The following GUCY2C variants were observed in gnomAD, a reference collection of about 807,000 sequenced individuals.
GUCY2C encodes the protein guanylyl cyclase C.
GUCY2C carries 118 observed loss-of-function variants against 131.1 expected under a neutral mutation model. That is an observed-to-expected ratio of 0.90 (90% confidence interval 0.78 to 1.05). GUCY2C has a LOEUF of 1.05. GUCY2C is among the 50% of genes least tolerant of loss of function. GUCY2C has a pLI of 0.00. For synonymous variants in GUCY2C, 452 were observed against 457.8 expected, an observed-to-expected ratio of 0.99 and a Z score of 0.16; for missense variants, 1,161 against 1,304.4, an observed-to-expected ratio of 0.89 and a Z score of 1.69.
intron 21 of GUCY2C, among the ~76,000 whole-genome samples, chr12:14,623,398 T>C (rs7310353): frequency 0.051 from 7,823 of 152,266 alleles, 657 homozygotes; most frequent in African/African-American, 0.18. Flanking sequence ...ACCTTTTTAA[T>C]TGGTGCAATG....
chr12:14,649,833 G>C (rs10846033), intron 15 of GUCY2C, among the ~76,000 whole-genome samples: 8,411 of 152,142 alleles, frequency 0.055, 749 homozygotes, highest in African/African-American at 0.19. Context: ...CCAATTAATA[G>C]AGCCTAGTCA....
chr12:14,672,877 T>G lies in GUCY2C; in HGVS notation c.1166A>C (p.Lys389Thr), dbSNP rs767807024. The G allele has an allele frequency of 1.9e-6, 3 of 1,580,630 alleles. No homozygotes were observed. The South Asian group carries it at 3.3e-5, about 18-fold the overall frequency. The change falls in exon 9 of 27, where the codon AAG (lysine) becomes ACG (threonine). Residue 389 changes from lysine to threonine, a missense_variant. By Grantham distance (78) the Lys-to-Thr change is moderately conservative. Coordinates refer to ENST00000261170, the MANE Select transcript of GUCY2C (RefSeq NM_004963.4). ...CTGATAAGCAGTGAGACATACTTTCTTGGTGTCCACAGAGGTATACAGAAG... is the reference window on the plus strand; with the variant it reads ...CTGATAAGCAGTGAGACATACTTTCGTGGTGTCCACAGAGGTATACAGAAG... ...MVLLYTSVDT[K>T]KYKVLLTYDT...
At chr12:14,671,020 C>T (rs1948095882) in intron 9 of GUCY2C, among the ~76,000 whole-genome samples, 1 of 151,654 alleles carries the variant, frequency 6.6e-6, no homozygotes, top group Non-Finnish European at 1.5e-5. Context: ...TATCACGAGA[C>T]TAGCATGGGA....
rs776230327 is a variant in GUCY2C, at chr12:14,614,901, C to T, written c.3013G>A (p.Asp1005Asn). ...GGGGTTGGCAGGTTGAATTTCTGGTCCTTCATCCCAGTCAGCCAGTAGGTA... is the reference window on the plus strand; with the variant it reads ...GGGGTTGGCAGGTTGAATTTCTGGTTCTTCATCCCAGTCAGCCAGTAGGTA... ...ETTYWLTGMK[D>N]QKFNLPTPPT... is the part of the protein sequence containing the mutation. Residue 1005 changes from aspartate to asparagine, a missense_variant, in exon 26 of 27, where the codon GAC (aspartate) becomes AAC (asparagine). By Grantham distance (23) the Asp-to-Asn change is conservative. Coordinates refer to ENST00000261170, the MANE Select transcript of GUCY2C (RefSeq NM_004963.4). 2.5e-6 allele frequency: 4 copies of T among 1,585,870 alleles called. No homozygotes were observed. Among genetic ancestry groups the T allele is most frequent in the Non-Finnish European group, 3.4e-6 (4 of 1,169,076 alleles).
Position 14,619,071 on chromosome 12 carries a change from G to T in GUCY2C, c.2875+140C>A, listed in dbSNP as rs549953674. ...TGTAGCAAAAGGTGGATTGACACGG[G>T]TTTGTGTTCAGCTAATGTGAAGAAT... On this transcript the variant is annotated intron_variant, in intron 24 of 26. Transcript: ENST00000261170. 3.6e-5 allele frequency: 20 copies of T among 563,010 alleles called. No homozygotes were observed. In the African/African-American group the frequency reaches 3.8e-4, roughly 11 times the overall value. The allele number at this position is 563,010 out of a possible 1,614,324, so 34.9% of individuals were successfully genotyped here. A position where few individuals can be genotyped will look rare whatever the true frequency, so the allele number is the denominator to read the frequency against.
At chr12:14,645,412 C>A in intron 15 of GUCY2C, 97 bp from the exon 16 acceptor site, 2 of 633,096 alleles carry the variant, frequency 3.2e-6, no homozygotes, top group Admixed American at 2.8e-5. Context: ...AATTATGAAA[C>A]CTTAGGATCA....
At chr12:14,632,327 C>T (rs1211908293) in intron 19 of GUCY2C, among the ~76,000 whole-genome samples, 1 of 152,072 alleles carries the variant, frequency 6.6e-6, no homozygotes, top group Non-Finnish European at 1.5e-5. Flanking sequence ...AATGGTAATG[C>T]CTAGGTTTTC....
intron 11 of GUCY2C, among the ~76,000 whole-genome samples, chr12:14,657,504 A>G (rs1182520689): frequency 6.6e-6 from 1 of 151,052 alleles, no homozygotes; most frequent in African/African-American, 2.4e-5. Flanking sequence ...TAGGCCCCCA[A>G]CCCCTGGGCC....
At chr12:14,673,053 GCT>G in intron 8 of GUCY2C, 95 bp from the exon 9 acceptor site, 1 of 722,508 alleles carries the variant, frequency 1.4e-6, no homozygotes, top group Admixed American at 2.0e-5. Flanking sequence ...GGTTCAAATA[GCT>G]CTGTTTCAAA....
rs546851562 is a variant in GUCY2C, at chr12:14,660,952, G to A, written c.1364+29C>T. The A allele has an allele frequency of 1.1e-5, 16 of 1,476,092 alleles. No individual in the cohort carries two copies. In the Admixed American group the frequency reaches 1.2e-4, roughly 11 times the overall value. The allele number at this position is 1,476,092 out of a possible 1,614,324, so 91.4% of individuals were successfully genotyped here. A position where few individuals can be genotyped will look rare whatever the true frequency, so the allele number is the denominator to read the frequency against. Reference sequence around the variant, plus strand: ...TTCCCTTCCTGCCTCTCTGGATACCGAACACAGGCATGATAGAGGCGGCTG... The same window carrying A: ...TTCCCTTCCTGCCTCTCTGGATACCAAACACAGGCATGATAGAGGCGGCTG... On this transcript the variant is annotated intron_variant, in intron 11 of 26. Transcript: ENST00000261170.
At chr12:14,692,128 G>A (rs140147701) in intron 1 of GUCY2C, among the ~76,000 whole-genome samples, 2,404 of 152,156 alleles carry the variant, frequency 0.016, 37 homozygotes, top group Middle Eastern at 0.034. Context: ...TCCCTTTCAG[G>A]GGATCCATGA....
At position 14,613,598 on chromosome 12, in the gene GUCY2C, G is replaced by A. The variant is rs1162028336; in HGVS notation, c.3048-307C>T. ...GAAGGGGAAAAGAAGCTGGGAGGAT[G>A]CTAGGCCCCTGCCACACAACCCTGA... On this transcript the variant is annotated intron_variant, in intron 26 of 26. Transcript: ENST00000261170. This position sits in a 1 kb window ranked among gnomAD's most constrained non-coding sequence, Gnocchi z 4.9. Among the ~76,000 whole-genome samples the A allele has an allele frequency of 6.6e-6, 1 of 152,116 alleles. No homozygotes were observed. The highest frequency in any genetic ancestry group is 2.4e-5 in the African/African-American group (1 of 41,438).
Position 14,696,278 on chromosome 12 carries a change from C to T in GUCY2C, c.171G>A (p.Ala57=), listed in dbSNP as rs747780878. ...TCACTATTTCCAGCCCCTCATTCAC[C>T]GCATCTTCCAAGTTTTTCAGGGGCT... is the stretch of plus-strand genomic sequence containing the variant. ...FAEPLKNLED[A]VNEGLEIVRG... The change falls in exon 1 of 27, where the codon GCG becomes GCA. Residue 57 remains alanine (A), a synonymous_variant. Transcript: ENST00000261170. 2.2e-5 allele frequency: 35 copies of T among 1,613,976 alleles called. No individual in the cohort carries two copies. The highest frequency in any genetic ancestry group is 1.6e-4 in the East Asian group (7 of 44,884).
intron 9 of GUCY2C, among the ~76,000 whole-genome samples, chr12:14,672,470 CAG>C (rs1948134880): frequency 6.6e-6 from 1 of 152,058 alleles, no homozygotes; most frequent in African/African-American, 2.4e-5. Flanking sequence ...ATGGAGATAA[CAG>C]GGAATATTTC....
Position 14,625,327 on chromosome 12 carries a change from ATTT to A in GUCY2C, c.2408+427_2408+429del, listed in dbSNP as rs10574172. 2.8e-3 allele frequency among the ~76,000 whole-genome samples: 362 copies of A among 129,938 alleles called. 1 individual carries two copies. The highest frequency in any genetic ancestry group is 4.0e-3 in the Middle Eastern group (1 of 250). The allele number at this position is 129,938 out of a possible 152,430, so 85.2% of individuals were successfully genotyped here. ...GAACAAGGCTTAGCAAAGTACATGC[ATTT>A]TTTTTTTTTTTTTTTGAGACGGAGT... is the stretch of plus-strand genomic sequence containing the variant. On this transcript the variant is annotated intron_variant, in intron 21 of 26. Coordinates refer to ENST00000261170, the MANE Select transcript of GUCY2C (RefSeq NM_004963.4).
At chr12:14,618,243 G>T (rs541386188) in intron 24 of GUCY2C, among the ~76,000 whole-genome samples, 3 of 152,282 alleles carry the variant, frequency 2.0e-5, no homozygotes, top group Admixed American at 1.3e-4. Context: ...GATGGCTCTT[G>T]CCTGTAATTC....
intron 22 of GUCY2C, among the ~76,000 whole-genome samples, chr12:14,621,572 A>G (rs1946897493): frequency 6.6e-6 from 1 of 152,232 alleles, no homozygotes; most frequent in South Asian, 2.1e-4. Flanking sequence ...TTAATCCTTT[A>G]GCAAATGTCA....
chr12:14,681,073 T>A (rs1174160198), intron 5 of GUCY2C, among the ~76,000 whole-genome samples: 2 of 152,160 alleles, frequency 1.3e-5, no homozygotes, highest in Non-Finnish European at 2.9e-5. Flanking sequence ...TGGGTCATAA[T>A]ATCATTTGGG....
At chr12:14,623,028 A>G (rs560882095) in intron 21 of GUCY2C, among the ~76,000 whole-genome samples, 1 of 152,314 alleles carries the variant, frequency 6.6e-6, no homozygotes, top group Non-Finnish European at 1.5e-5. Flanking sequence ...GGCCCTCAGT[A>G]TGGAACCACT....
Sources: allele counts gnomAD v4.1 joint callset (sites outside exome capture counted in the v4.1 genomes callset), GRCh38; gene constraint gnomAD v4.1.1; non-coding constraint Gnocchi (gnomAD v3.1); transcripts MANE v1.5; gene names NCBI Gene and HGNC (gene_info 2026-07-23, HGNC 2026-07-21).